The following CLEC18A variants were observed in gnomAD, a reference collection of about 807,000 sequenced individuals.
CLEC18A encodes the protein mannose receptor-like 1.
In CLEC18A, 5 loss-of-function variants were observed where a neutral mutation model predicts 24.0. The observed-to-expected ratio is 0.21, with a 90% CI of 0.11 to 0.44. CLEC18A has a LOEUF of 0.44. Ranked by LOEUF, CLEC18A falls within the 20% of genes least tolerant of loss-of-function variation. CLEC18A has a pLI of 0.99. For missense variants in CLEC18A, 83 were observed against 233.4 expected (o/e 0.36, Z 4.20); for synonymous variants, 29 against 100.1 (o/e 0.29, Z 4.24).
chr16:69,951,048 G>A, upstream of CLEC18A: 1 of 416,996 alleles, frequency 2.4e-6, no homozygotes, highest in Non-Finnish European at 4.5e-6. Flanking sequence ...GGGTCTCTGG[G>A]GGCTCCCCAA....
In CLEC18A at chr16:69,954,527, C is replaced by A. The variant is rs140422967; in HGVS notation, c.410C>A (p.Ala137Glu). 2 of 1,612,628 alleles carry A rather than the reference C, an allele frequency of 1.2e-6. No homozygotes were observed. Among genetic ancestry groups the A allele is most frequent in the Non-Finnish European group, 1.7e-6 (2 of 1,179,410 alleles). ...GCAGAGGGGCAGCGGTACAGCCACG[C>A]GGCAGGAGAGTGTGCTCGCAACGCC... is the stretch of plus-strand genomic sequence containing the variant. ...WFAEGQRYSHAAGECARNATC... is the reference protein window; with the variant it reads ...WFAEGQRYSHEAGECARNATC... The change falls in exon 3 of 12, where the codon GCG becomes GAG. Residue 137 changes from alanine (A) to glutamate (E), a missense_variant. Ala to Glu is a moderately radical substitution (Grantham distance 107). Around this residue, in one of 3 missense-constraint regions of CLEC18A, gnomAD observed 71 missense variants for 107.4 expected, o/e 0.66. Transcript: ENST00000288040.
At chr16:69,965,568 C>T (rs927513690), downstream of CLEC18A, among the ~76,000 whole-genome samples, 10 of 150,160 alleles carry the variant, frequency 6.7e-5, no homozygotes, top group East Asian at 6.1e-4. Flanking sequence ...TGGTTGGGGA[C>T]CTGACGCGCC....
chr16:69,953,629 C>T (rs1402824254), intron 2 of CLEC18A: 1 of 132,920 alleles, frequency 7.5e-6, no homozygotes, highest in Non-Finnish European at 1.8e-5. Context: ...CAGCAATGGC[C>T]AACAGTGAAA....
At chr16:69,948,591 A>G (rs2058915671), upstream of CLEC18A, among the ~76,000 whole-genome samples, 3 of 151,780 alleles carry the variant, frequency 2.0e-5, 1 homozygote, top group Non-Finnish European at 4.4e-5. Context: ...TGTGAACCCT[A>G]CAATCTGGGT....
chr16:69,948,594 A>G (rs397834035), upstream of CLEC18A, among the ~76,000 whole-genome samples: 6 of 151,850 alleles, frequency 4.0e-5, no homozygotes, highest in Non-Finnish European at 7.4e-5. Context: ...GAACCCTACA[A>G]TCTGGGTGGT....
chr16:69,954,420 G>GCGCA lies in CLEC18A; in HGVS notation c.305_308dup (p.Leu104HisfsTer97). 1 of 1,611,574 alleles carries GCGCA rather than the reference G, an allele frequency of 6.2e-7. No individual in the cohort carries two copies. The highest frequency in any genetic ancestry group is 8.5e-7 in the Non-Finnish European group (1 of 1,179,108). On this transcript the variant is annotated frameshift_variant, in exon 3 of 12. Transcript: ENST00000288040. LOFTEE classifies it high-confidence loss of function. ...CCCCGAGCCTGGCGTCCGGCCTGTG[G>GCGCA]CGCACCCTGCAAGTGGGCTGGAACA...
downstream of CLEC18A, among the ~76,000 whole-genome samples, chr16:69,965,590 G>T (rs1351877119): frequency 6.7e-6 from 1 of 149,630 alleles, no homozygotes; most frequent in Non-Finnish European, 1.5e-5. Flanking sequence ...TCGTGAGTGG[G>T]GCGGGTGCAG....
chr16:69,964,952 C>T (rs1959322719), downstream of CLEC18A, among the ~76,000 whole-genome samples: 2 of 152,056 alleles, frequency 1.3e-5, no homozygotes, highest in Non-Finnish European at 2.9e-5. Flanking sequence ...CAGGTCCGCA[C>T]CACCACGCCC....
At chr16:69,944,234 T>A in the CLEC18A span, among the ~76,000 whole-genome samples, 5 of 135,212 alleles carry the variant, frequency 3.7e-5, no homozygotes, top group Non-Finnish European at 5.2e-5. Flanking sequence ...AGGCAGAGGT[T>A]GCAGTGAGCC....
intron 2 of CLEC18A, chr16:69,953,096 T>C (rs1192082370): frequency 6.6e-6 from 1 of 151,758 alleles, no homozygotes; most frequent in African/African-American, 2.5e-5. Context: ...CCAGGGCCCT[T>C]TTGTCAAAGT....
At chr16:69,956,426 G>A (rs1256934100) in intron 3 of CLEC18A, among the ~76,000 whole-genome samples, 1 of 126,688 alleles carries the variant, frequency 7.9e-6, no homozygotes, top group Non-Finnish European at 1.6e-5. Flanking sequence ...CGCGATCTCG[G>A]CTCACTGCAA....
chr16:69,944,557 G>A, the CLEC18A span, among the ~76,000 whole-genome samples: 1 of 151,742 alleles, frequency 6.6e-6, no homozygotes, highest in Non-Finnish European at 1.5e-5. Context: ...AGAAAAAGAA[G>A]GGCCAGGCAC....
upstream of CLEC18A, among the ~76,000 whole-genome samples, chr16:69,948,393 T>C (rs1213578553): frequency 6.8e-6 from 1 of 146,526 alleles, no homozygotes; most frequent in Non-Finnish European, 1.5e-5. Flanking sequence ...GTTTGTTTGT[T>C]TGTTTGTTTT....
At chr16:69,953,779 C>T (rs2058989925) in intron 2 of CLEC18A, 1 of 152,262 alleles carries the variant, frequency 6.6e-6, no homozygotes, top group African/African-American at 2.8e-5. Context: ...TTCTCCACTG[C>T]ACTCCAGCCT....
chr16:69,954,934 A>C (rs1450607050), intron 3 of CLEC18A, among the ~76,000 whole-genome samples: 1 of 152,084 alleles, frequency 6.6e-6, no homozygotes. Context: ...TCCTGGCCTC[A>C]AGTGATCCAC....
chr16:69,963,593 G>GT lies in CLEC18A; in HGVS notation c.1324dup (p.Trp442LeufsTer36). On this transcript the variant is annotated frameshift_variant, in exon 12 of 12. Coordinates refer to ENST00000288040, the MANE Select transcript of CLEC18A (RefSeq NM_001370523.4). LOFTEE classifies it high-confidence loss of function. ...TTCCAGCCCAGGAGCACATCTCCCG[G>GT]TGGGGCCCAGGGTCCTGAGGCCTGA... 1 of 1,608,338 alleles carries GT rather than the reference G, an allele frequency of 6.2e-7. No individual in the cohort carries two copies. The highest frequency in any genetic ancestry group is 1.7e-5 in the Admixed American group (1 of 59,702).
chr16:69,965,373 C>T (rs538018377), downstream of CLEC18A, among the ~76,000 whole-genome samples: 2 of 152,148 alleles, frequency 1.3e-5, no homozygotes. Flanking sequence ...AGCAGCCGCG[C>T]CTCTTCCTCC....
intron 2 of CLEC18A, 126 bp from the exon 3 acceptor site, chr16:69,954,208 C>A (rs2058999752): frequency 7.5e-7 from 1 of 1,335,150 alleles, no homozygotes; most frequent in African/African-American, 1.4e-5. Context: ...ACTCCTCATC[C>A]AGTGCTCTCT....
At chr16:69,965,526 C>G (rs1959359854), downstream of CLEC18A, among the ~76,000 whole-genome samples, 1 of 151,000 alleles carries the variant, frequency 6.6e-6, no homozygotes, top group Non-Finnish European at 1.5e-5. Context: ...GCGGGGCGGC[C>G]GAGCCGAGAC....
Sources: allele counts gnomAD v4.1 joint callset (sites outside exome capture counted in the v4.1 genomes callset), GRCh38; gene constraint gnomAD v4.1.1; regional missense constraint gnomAD v4.1.1; transcripts MANE v1.5; gene names NCBI Gene and HGNC (gene_info 2026-07-23, HGNC 2026-07-21).